The following TBC1D16 variants were observed in gnomAD, a reference collection of about 807,000 sequenced individuals.
TBC1D16 encodes the protein TBC1 domain family member 16, also known as CTD-2529O21.1.
TBC1D16 carries 58 observed loss-of-function variants against 74.7 expected under a neutral mutation model. The ratio of observed to expected loss-of-function variants is 0.78; its 90% CI spans 0.63 to 0.97. TBC1D16 has a LOEUF of 0.97. Ranked by LOEUF, TBC1D16 falls within the 50% of genes least tolerant of loss-of-function variation. TBC1D16 has a pLI of 0.00. For synonymous variants in TBC1D16, 493 were observed against 474.7 expected (o/e 1.04, Z -0.50); for missense variants, 1,014 against 1,079.5 (o/e 0.94, Z 0.85).
chr17:79,989,315 G>A (rs1423872679), intron 3 of TBC1D16, among the ~76,000 whole-genome samples: 3 of 152,224 alleles, frequency 2.0e-5, no homozygotes, highest in East Asian at 1.9e-4. Context: ...ATCACTGGAC[G>A]CATCAAAGCC....
At chr17:80,026,820 C>T (rs1198376797) in intron 1 of TBC1D16, among the ~76,000 whole-genome samples, 1 of 149,660 alleles carries the variant, frequency 6.7e-6, no homozygotes, top group Non-Finnish European at 1.5e-5. Context: ...TCCTGGGAGG[C>T]AAGGAAGCTG....
chr17:79,945,613 C>T (rs1056153464), intron 9 of TBC1D16, among the ~76,000 whole-genome samples: 13 of 152,214 alleles, frequency 8.5e-5, no homozygotes, highest in African/African-American at 2.9e-4. Context: ...GGGACAAGAT[C>T]GGGGCTATTT....
intron 10 of TBC1D16, chr17:79,943,794 C>CA: frequency 2.4e-6 from 3 of 1,267,582 alleles, no homozygotes; most frequent in Non-Finnish European, 3.0e-6. Context: ...TCTGCCGGGC[C>CA]ACGCGCTGAG....
intron 3 of TBC1D16, among the ~76,000 whole-genome samples, chr17:79,960,241 A>G: frequency 6.6e-6 from 1 of 152,200 alleles, no homozygotes; most frequent in East Asian, 1.9e-4. Context: ...TACAGAATAT[A>G]GAAAAGGTCC....
intron 3 of TBC1D16, among the ~76,000 whole-genome samples, chr17:79,999,847 C>G (rs928294685): frequency 1.3e-5 from 2 of 151,950 alleles, no homozygotes; most frequent in Non-Finnish European, 2.9e-5. Context: ...CCTGGCCACC[C>G]TCGAATTTCT....
At chr17:80,020,163 G>T (rs1027077737) in intron 1 of TBC1D16, among the ~76,000 whole-genome samples, 1 of 149,768 alleles carries the variant, frequency 6.7e-6, no homozygotes, top group Non-Finnish European at 1.5e-5. Context: ...CAATCCTGCC[G>T]ACACCTTGAT....
chr17:79,997,165 C>T (rs2035305252), intron 3 of TBC1D16, among the ~76,000 whole-genome samples: 1 of 152,048 alleles, frequency 6.6e-6, no homozygotes, highest in African/African-American at 2.4e-5. Flanking sequence ...TAGTAGTTGC[C>T]GGAAGCTACA....
chr17:79,945,762 C>T (rs1056017869), intron 9 of TBC1D16, among the ~76,000 whole-genome samples: 1 of 152,254 alleles, frequency 6.6e-6, no homozygotes, highest in African/African-American at 2.4e-5. Flanking sequence ...ACTGCCTCCC[C>T]AAGCAATGTG....
intron 1 of TBC1D16, among the ~76,000 whole-genome samples, chr17:80,021,699 TCACAGACACACACACCACACAC>T (rs1342032372): frequency 6.8e-6 from 1 of 146,244 alleles, no homozygotes; most frequent in Non-Finnish European, 1.5e-5. Flanking sequence ...TGCATAAACA[TCACAGACACACACACCACACAC>T]CACAGACACA....
intron 9 of TBC1D16, among the ~76,000 whole-genome samples, chr17:79,946,287 A>G (rs904639128): frequency 2.0e-5 from 3 of 152,230 alleles, no homozygotes; most frequent in Non-Finnish European, 4.4e-5. Context: ...TAAGCAGTAC[A>G]CAACCTAGAC....
chr17:80,010,520 T>C lies in TBC1D16; in HGVS notation c.419A>G (p.Asp140Gly), dbSNP rs1359092199. 18 of 1,610,992 alleles carry C rather than the reference T, an allele frequency of 1.1e-5. No homozygotes were observed. The highest frequency in any genetic ancestry group is 1.5e-5 in the Non-Finnish European group (18 of 1,178,946). Reference sequence around the variant, plus strand: ...AACACTCTGGGCCACCACCAGGATGTCCTCATCTTTGGGGGTCAGGGTAGG... The same window carrying C: ...AACACTCTGGGCCACCACCAGGATGCCCTCATCTTTGGGGGTCAGGGTAGG... ...LRPTLTPKDEDILVVAQSVPD... is the reference protein window; with the variant it reads ...LRPTLTPKDEGILVVAQSVPD... The change falls in exon 3 of 12, where the codon GAC (aspartate) becomes GGC (glycine). Residue 140 changes from aspartate (D) to glycine (G), a missense_variant. Transcript: ENST00000310924. This position sits in a 1 kb window ranked among gnomAD's most constrained non-coding sequence, Gnocchi z 8.8.
At chr17:79,984,916 C>T (rs1381254374) in intron 3 of TBC1D16, among the ~76,000 whole-genome samples, 64 of 136,170 alleles carry the variant, frequency 4.7e-4, no homozygotes, top group Admixed American at 1.2e-3. Context: ...CCTCCAGCTT[C>T]GGACACAGCC....
intron 3 of TBC1D16, among the ~76,000 whole-genome samples, chr17:79,997,107 C>T (rs2035302011): frequency 6.6e-6 from 1 of 152,146 alleles, no homozygotes. Context: ...GCCAGGGCAG[C>T]GTGGAGGAAC....
At chr17:80,012,273 G>A (rs2035924512) in intron 2 of TBC1D16, among the ~76,000 whole-genome samples, 1 of 152,302 alleles carries the variant, frequency 6.6e-6, no homozygotes, top group African/African-American at 2.4e-5. Context: ...AGGGTCCGAG[G>A]TGGCTACTCC....
chr17:79,941,798 G>A lies in TBC1D16; in HGVS notation c.2055+262C>T, dbSNP rs903005775. Among the ~76,000 whole-genome samples, 42 of 152,332 alleles carry A rather than the reference G, an allele frequency of 2.8e-4. No homozygotes were observed. Among genetic ancestry groups the A allele is most frequent in the African/African-American group, 9.6e-4 (40 of 41,580 alleles). On this transcript the variant is annotated intron_variant, in intron 11 of 11. Coordinates refer to ENST00000310924, the MANE Select transcript of TBC1D16 (RefSeq NM_019020.4). The surrounding 1 kb of genome is among the most constrained non-coding windows in gnomAD (Gnocchi z 4.3). ...TGAATTCGTTCCCTCCTCAGCCAGC[G>A]AGGGAGGCTCCTGTGTCAGGGCTGG...
In TBC1D16 at chr17:79,950,785, G is replaced by T; in HGVS notation, c.1090-207C>A. The T allele has an allele frequency of 6.5e-7, 1 of 1,536,162 alleles. No homozygotes were observed. Among genetic ancestry groups the T allele is most frequent in the Non-Finnish European group, 8.7e-7 (1 of 1,146,890 alleles). On this transcript the variant is annotated intron_variant, in intron 5 of 11. Coordinates refer to ENST00000310924, the MANE Select transcript of TBC1D16 (RefSeq NM_019020.4). This position sits in a 1 kb window ranked among gnomAD's most constrained non-coding sequence, Gnocchi z 4.6. ...ATCTTAAAATCGGTTTCCCTCTGCG[G>T]CTCTCTCCTCCCCGGCCCACTGTGC...
rs1167343348 is a variant in TBC1D16, at chr17:79,975,641, C to A, written c.780-22823G>T. Among the ~76,000 whole-genome samples the A allele has an allele frequency of 1.3e-5, 2 of 152,186 alleles. No individual in the cohort carries two copies. The highest frequency in any genetic ancestry group is 2.9e-5 in the Non-Finnish European group (2 of 68,034). ...ACAGCCACCGCCCACAACAGGTCCA[C>A]CCTGAAGTGAAAAGACAAATATCAT... On this transcript the variant is annotated intron_variant, in intron 3 of 11. Coordinates refer to ENST00000310924, the MANE Select transcript of TBC1D16 (RefSeq NM_019020.4). This position sits in a 1 kb window ranked among gnomAD's most constrained non-coding sequence, Gnocchi z 4.5.
chr17:80,022,681 G>C (rs1305646184), intron 1 of TBC1D16, among the ~76,000 whole-genome samples: 8 of 146,136 alleles, frequency 5.5e-5, no homozygotes, highest in African/African-American at 2.2e-4. Context: ...CTGTCGCCCA[G>C]GCTGGAGTGA....
At chr17:79,967,495 G>A (rs2033894670) in intron 3 of TBC1D16, among the ~76,000 whole-genome samples, 1 of 151,988 alleles carries the variant, frequency 6.6e-6, no homozygotes, top group Non-Finnish European at 1.5e-5. Context: ...GGCAATGAAC[G>A]ACACAAAAAT....
Sources: allele counts gnomAD v4.1 joint callset (sites outside exome capture counted in the v4.1 genomes callset), GRCh38; gene constraint gnomAD v4.1.1; non-coding constraint Gnocchi (gnomAD v3.1); transcripts MANE v1.5; gene names NCBI Gene and HGNC (gene_info 2026-07-23, HGNC 2026-07-21).